Variants in FKBP14 observed in about 807,000 individuals in gnomAD.
FKBP14 encodes FKBP prolyl isomerase 14.
In FKBP14, 20 loss-of-function variants were observed where a neutral mutation model predicts 21.6. That is an observed-to-expected ratio of 0.92 (90% CI 0.65 to 1.34). The LOEUF is 1.34. Ranked by LOEUF, FKBP14 falls within the 40% of genes most tolerant of loss-of-function variation. The pLI is 0.00. For missense variants in FKBP14, 253 were observed against 249.0 expected, an observed-to-expected ratio of 1.02 and a Z score of -0.11; for synonymous variants, 79 against 86.7, an observed-to-expected ratio of 0.91 and a Z score of 0.49.
intron 1 of FKBP14, among the ~76,000 whole-genome samples, chr7:30,024,539 T>G (rs189924068): frequency 1.1e-3 from 173 of 152,324 alleles, no homozygotes; most frequent in Admixed American, 3.7e-3. Flanking sequence ...TAGCTGGGAT[T>G]ACAGGTGCCC....
downstream of FKBP14, among the ~76,000 whole-genome samples, chr7:30,007,836 G>A (rs1397084130): frequency 6.6e-6 from 1 of 151,968 alleles, no homozygotes; most frequent in Non-Finnish European, 1.5e-5. Context: ...ATCACTTGAG[G>A]TCAGGAGTTC....
chr7:30,023,414 T>C (rs1790086947), intron 1 of FKBP14, among the ~76,000 whole-genome samples: 1 of 152,220 alleles, frequency 6.6e-6, no homozygotes, highest in South Asian at 2.1e-4. Flanking sequence ...CAGTGTCTTA[T>C]ATCCTGCCTA....
downstream of FKBP14, among the ~76,000 whole-genome samples, chr7:30,008,871 A>G (rs376233962): frequency 2.0e-5 from 3 of 151,916 alleles, no homozygotes; most frequent in East Asian, 5.8e-4. Context: ...AGGCTGAGGC[A>G]GGAGAATGGC....
chr7:30,026,400 T>G lies in FKBP14; in HGVS notation c.109A>C (p.Ile37Leu), dbSNP rs1790174088. Residue 37 changes from isoleucine to leucine, a missense_variant, in exon 1 of 4, where the codon ATC becomes CTC. Physicochemically the swap from Ile to Leu is conservative, Grantham distance 5 (BLOSUM62 2). Transcript: ENST00000222803. ...VKIEVLQKPF[I>L]CHRKTKGGDL... ...CCTCCTTTGGTCTTGCGATGGCAGA[T>G]GAATGGCTTCTGGAGAACTTCAATT... 2 of 1,614,202 alleles carry G rather than the reference T, an allele frequency of 1.2e-6. No individual in the cohort carries two copies. Among genetic ancestry groups the G allele is most frequent in the Non-Finnish European group, 1.7e-6 (2 of 1,180,008 alleles).
At chr7:30,023,688 T>A (rs1407849117) in intron 1 of FKBP14, among the ~76,000 whole-genome samples, 1 of 151,402 alleles carries the variant, frequency 6.6e-6, no homozygotes, top group Non-Finnish European at 1.5e-5. Context: ...GCTGGGGAGG[T>A]CTCACAATCA....
Position 30,010,873 on chromosome 7 carries a change from A to C in FKBP14, c.*3862T>G, listed in dbSNP as rs530666436. ...AAAATTCAAAATTTAAATAGATAAA[A>C]GCTTATATAATAAGGATATAAGGAA... is the stretch of plus-strand genomic sequence containing the variant. On this transcript the variant is annotated 3_prime_UTR_variant, in exon 4 of 4. Transcript: ENST00000222803. 9.2e-5 allele frequency: 14 copies of C among 152,246 alleles called. No homozygotes were observed. The highest frequency in any genetic ancestry group is 2.6e-4 in the Admixed American group (4 of 15,288). 9.4% of individuals were successfully genotyped at this position (152,246 alleles called of 1,614,324 possible).
chr7:30,020,313 T>G (rs1433882144), intron 2 of FKBP14: 1 of 1,281,246 alleles, frequency 7.8e-7, no homozygotes, highest in Non-Finnish European at 1.0e-6. Flanking sequence ...GACTACAAAA[T>G]TAGTGTTAAA....
chr7:30,024,676 G>A (rs1365906936), intron 1 of FKBP14, among the ~76,000 whole-genome samples: 14 of 152,218 alleles, frequency 9.2e-5, no homozygotes, highest in African/African-American at 2.4e-5. Flanking sequence ...GATTACAGGC[G>A]TGAGCCACCA....
chr7:30,022,852 T>C, intron 1 of FKBP14, 36 bp from the exon 2 acceptor site: 1 of 1,576,394 alleles, frequency 6.3e-7, no homozygotes, highest in Non-Finnish European at 8.6e-7. Flanking sequence ...AACTCCTTAT[T>C]AACTCTAAAA....
rs1789821459 is a variant in FKBP14, at chr7:30,014,260, G to A, written c.*475C>T. ...ACAACCATTTTCCTCTGGTCCTCAAGCAGAGACTCAGAGCCAGTTACACAT... is the reference window on the plus strand; with the variant it reads ...ACAACCATTTTCCTCTGGTCCTCAAACAGAGACTCAGAGCCAGTTACACAT... On this transcript the variant is annotated 3_prime_UTR_variant, in exon 4 of 4. Coordinates refer to ENST00000222803, the MANE Select transcript of FKBP14 (RefSeq NM_017946.4). 2 of 152,210 alleles carry A rather than the reference G, an allele frequency of 1.3e-5. No homozygotes were observed. 9.4% of individuals were successfully genotyped at this position (152,210 alleles called of 1,614,324 possible). A position where few individuals can be genotyped will look rare whatever the true frequency, so the allele number is the denominator to read the frequency against.
chr7:30,022,444 A>G (rs897365661), intron 2 of FKBP14: 5 of 434,616 alleles, frequency 1.2e-5, no homozygotes, highest in Middle Eastern at 5.9e-4. Flanking sequence ...ATAGACCTCA[A>G]TGTTCTTTTT....
Position 30,022,687 on chromosome 7 carries a change from C to T in FKBP14, c.327G>A (p.Leu109=). 1 of 1,613,780 alleles carries T rather than the reference C, an allele frequency of 6.2e-7. No individual in the cohort carries two copies. The highest frequency in any genetic ancestry group is 8.5e-7 in the Non-Finnish European group (1 of 1,179,882). The change falls in exon 2 of 4, where the codon CTG becomes CTA. Residue 109 remains leucine, a synonymous_variant. Coordinates refer to ENST00000222803, the MANE Select transcript of FKBP14 (RefSeq NM_017946.4). The part of the protein sequence containing the change: ...EKRKLIIPPA[L]GYGKEGKGKI... The stretch of plus-strand genomic sequence containing the variant: ...TACCTTTTCCTTCTTTTCCATAGCC[C>T]AGAGCAGGAGGAATGATGAGCTTTC...
intron 1 of FKBP14, among the ~76,000 whole-genome samples, chr7:30,023,338 G>A (rs1292488749): frequency 6.6e-6 from 1 of 152,194 alleles, no homozygotes; most frequent in Non-Finnish European, 1.5e-5. Flanking sequence ...AGATTGAAAG[G>A]CTAAGGAGAA....
rs566872722 is a variant in FKBP14 at position 30,012,004 on chromosome 7, T to C, written c.*2731A>G. On this transcript the variant is annotated 3_prime_UTR_variant, in exon 4 of 4. Coordinates refer to ENST00000222803, the MANE Select transcript of FKBP14 (RefSeq NM_017946.4). The stretch of plus-strand genomic sequence containing the variant: ...GCAACATGCTGTAGCCTAGGAGCAA[T>C]AGGCTATATACATGTCCTACATGTG... The C allele has an allele frequency of 1.2e-4, 19 of 152,346 alleles. No individual in the cohort carries two copies. Among genetic ancestry groups the C allele is most frequent in the African/African-American group, 4.3e-4 (18 of 41,578 alleles). The allele number at this position is 152,346 out of a possible 1,614,324, so 9.4% of individuals were successfully genotyped here.
Position 30,022,730 on chromosome 7 carries a change from A to AT in FKBP14, c.283dup (p.Met95AsnfsTer24). On this transcript the variant is annotated frameshift_variant, in exon 2 of 4. Transcript: ENST00000222803. LOFTEE classifies it high-confidence loss of function. ...GAGCTTTCTCTTCTCTCCTACACAC[A>AT]TTCCTTTCAAGCCCTGGTCCCAACC... 1 of 1,614,178 alleles carries AT rather than the reference A, an allele frequency of 6.2e-7. No homozygotes were observed. Among genetic ancestry groups the AT allele is most frequent in the Non-Finnish European group, 8.5e-7 (1 of 1,180,028 alleles).
intron 3 of FKBP14, among the ~76,000 whole-genome samples, chr7:30,015,103 T>TGGAG (rs1053492311): frequency 1.3e-5 from 2 of 152,154 alleles, no homozygotes; most frequent in Non-Finnish European, 1.5e-5. Flanking sequence ...ACTGCTAAAG[T>TGGAG]GGAGACACAA....
rs1294922477 is a variant in FKBP14, at chr7:30,012,252, G to A, written c.*2483C>T. The A allele has an allele frequency of 1.3e-5, 2 of 152,216 alleles. No homozygotes were observed. Among genetic ancestry groups the A allele is most frequent in the Non-Finnish European group, 2.9e-5 (2 of 68,040 alleles). 9.4% of individuals were successfully genotyped at this position (152,216 alleles called of 1,614,324 possible). On this transcript the variant is annotated 3_prime_UTR_variant, in exon 4 of 4. Coordinates refer to ENST00000222803, the MANE Select transcript of FKBP14 (RefSeq NM_017946.4). ...GCAGATAACTTAAAAACCATAACTTGTGCATATGTTTTCATTTTATACTTG... is the reference window on the plus strand; with the variant it reads ...GCAGATAACTTAAAAACCATAACTTATGCATATGTTTTCATTTTATACTTG...
At chr7:30,023,664 C>T (rs774616514) in intron 1 of FKBP14, among the ~76,000 whole-genome samples, 7 of 152,120 alleles carry the variant, frequency 4.6e-5, no homozygotes, top group African/African-American at 1.2e-4. Context: ...TTAATGGACT[C>T]GCGGTTCCAC....
At chr7:30,022,428 GT>G (rs1469438941) in intron 2 of FKBP14, 1 of 393,458 alleles carries the variant, frequency 2.5e-6, no homozygotes, top group African/African-American at 2.0e-5. Flanking sequence ...TTTGTGAACA[GT>G]ATTAATAGAC....
Sources: gnomAD v4.1 joint callset for allele counts (sites outside exome capture counted in the v4.1 genomes callset) on GRCh38, gnomAD v4.1.1 for gene constraint, MANE v1.5 for transcripts, NCBI Gene and HGNC (gene_info 2026-07-23, HGNC 2026-07-21) for gene names.